KCNIP3: variants seen among roughly 807,000 people sequenced by gnomAD.
The protein encoded by KCNIP3 is potassium voltage-gated channel interacting protein 3.
KCNIP3 carries 28 observed loss-of-function variants against 35.0 expected under a neutral mutation model. The observed-to-expected ratio is 0.80, with a 90% CI of 0.59 to 1.10. The LOEUF (loss-of-function observed/expected upper bound fraction) is 1.10. Ranked by LOEUF, KCNIP3 falls within the 50% of genes least tolerant of loss-of-function variation. KCNIP3 has a pLI of 0.00. For synonymous variants in KCNIP3, 134 were observed against 133.8 expected, an observed-to-expected ratio of 1.00 and a Z score of -0.01; for missense variants, 295 against 338.4, an observed-to-expected ratio of 0.87 and a Z score of 1.01.
intron 2 of KCNIP3, among the ~76,000 whole-genome samples, chr2:95,333,992 C>G (rs1048777512): frequency 1.3e-5 from 2 of 152,214 alleles, no homozygotes; most frequent in Non-Finnish European, 2.9e-5. Flanking sequence ...AAGCTGAGAT[C>G]CTGGCATCAA....
intron 3 of KCNIP3, 126 bp from the exon 4 acceptor site, chr2:95,374,722 G>A (rs891276819): frequency 2.6e-6 from 3 of 1,143,322 alleles, no homozygotes; most frequent in African/African-American, 3.0e-5. Flanking sequence ...AGGCCAGGGG[G>A]CCCCAGCAGT....
intron 2 of KCNIP3, chr2:95,355,421 G>A (rs1679633069): frequency 6.6e-6 from 1 of 152,150 alleles, no homozygotes; most frequent in Non-Finnish European, 1.5e-5. Context: ...AGGTATACAT[G>A]TGTCATGTTG....
intron 2 of KCNIP3, among the ~76,000 whole-genome samples, chr2:95,349,909 C>T (rs898150545): frequency 1.2e-4 from 18 of 152,186 alleles, no homozygotes; most frequent in Admixed American, 2.6e-4. Flanking sequence ...GGACCTGGAC[C>T]CTGTAGGGCT....
rs1679232988 is a variant in KCNIP3, at chr2:95,342,959, C to T, written c.182-31337C>T. Among the ~76,000 whole-genome samples, 3 of 152,240 alleles carry T rather than the reference C, an allele frequency of 2.0e-5. No homozygotes were observed. The East Asian group carries it at 5.8e-4, about 29-fold the overall frequency. ...TGAACCAGGAGGCCCCTGGTAGTTT[C>T]CAGTTGGGAAAGGGCACGGTCTGAT... is the stretch of plus-strand genomic sequence containing the variant. On this transcript the variant is annotated intron_variant, in intron 2 of 8. Transcript: ENST00000295225.
Position 95,320,524 on chromosome 2 carries a change from C to CA in KCNIP3, c.181+10005dup, listed in dbSNP as rs577123306. 1.6e-4 allele frequency among the ~76,000 whole-genome samples: 24 copies of CA among 152,060 alleles called. No individual in the cohort carries two copies. In the East Asian group the frequency reaches 4.5e-3, roughly 28 times the overall value. Reference sequence around the variant, plus strand: ...CCCTGCCACCCCTCGGCCTGTCTCCCAGGTGCTGAGCCTGCCCCTCTCCCG... The same window carrying CA: ...CCCTGCCACCCCTCGGCCTGTCTCCCAAGGTGCTGAGCCTGCCCCTCTCCCG... On this transcript the variant is annotated intron_variant, in intron 2 of 8. Coordinates refer to ENST00000295225, the MANE Select transcript of KCNIP3 (RefSeq NM_013434.5).
intron 2 of KCNIP3, among the ~76,000 whole-genome samples, chr2:95,367,455 T>C (rs1254842238): frequency 6.6e-6 from 1 of 152,206 alleles, no homozygotes; most frequent in African/African-American, 2.4e-5. Flanking sequence ...GTGAATCATT[T>C]TGGAGATAAC....
intron 2 of KCNIP3, among the ~76,000 whole-genome samples, chr2:95,316,478 G>A (rs922959358): frequency 6.6e-6 from 1 of 152,220 alleles, no homozygotes; most frequent in Non-Finnish European, 1.5e-5. Context: ...GGGGTGAGGC[G>A]GTGGCTGGCA....
intron 5 of KCNIP3, among the ~76,000 whole-genome samples, chr2:95,375,956 A>G (rs1680174707): frequency 6.6e-6 from 1 of 152,220 alleles, no homozygotes; most frequent in Non-Finnish European, 1.5e-5. Flanking sequence ...AAGCACAGAG[A>G]AGCACATGGG....
intron 2 of KCNIP3, among the ~76,000 whole-genome samples, chr2:95,337,294 G>A (rs1451620703): frequency 6.6e-6 from 1 of 151,974 alleles, no homozygotes; most frequent in Non-Finnish European, 1.5e-5. Context: ...TTGCTGTCCA[G>A]TGCCCTCCTA....
At chr2:95,334,944 G>A (rs1415774915) in intron 2 of KCNIP3, among the ~76,000 whole-genome samples, 2 of 152,224 alleles carry the variant, frequency 1.3e-5, no homozygotes, top group Non-Finnish European at 2.9e-5. Context: ...GTCACTGAGC[G>A]CTCAAAGGAG....
chr2:95,325,175 G>A (rs1019260128), intron 2 of KCNIP3, among the ~76,000 whole-genome samples: 1 of 152,190 alleles, frequency 6.6e-6, no homozygotes, highest in African/African-American at 2.4e-5. Flanking sequence ...CCCCAACTCG[G>A]GTGGCTGAGA....
At chr2:95,361,999 T>G (rs983128502) in intron 2 of KCNIP3, among the ~76,000 whole-genome samples, 1 of 152,164 alleles carries the variant, frequency 6.6e-6, no homozygotes, top group Non-Finnish European at 1.5e-5. Flanking sequence ...CAGTTTCTGG[T>G]GAGGGCTGTC....
intron 2 of KCNIP3, among the ~76,000 whole-genome samples, chr2:95,335,813 T>C (rs1196581794): frequency 6.6e-6 from 1 of 152,210 alleles, no homozygotes; most frequent in African/African-American, 2.4e-5. Flanking sequence ...AGTCTAGTTA[T>C]ACATTTGTTA....
At chr2:95,367,886 C>T (rs768386143) in intron 2 of KCNIP3, among the ~76,000 whole-genome samples, 7 of 151,956 alleles carry the variant, frequency 4.6e-5, no homozygotes, top group South Asian at 2.1e-4. Flanking sequence ...CTTAGCCTCC[C>T]GAGTAGCTGG....
intron 1 of KCNIP3, among the ~76,000 whole-genome samples, chr2:95,304,594 C>T (rs564293706): frequency 3.1e-4 from 47 of 152,322 alleles, no homozygotes; most frequent in African/African-American, 9.6e-4. Flanking sequence ...AACAGGAGAA[C>T]GCATACCCCA....
At chr2:95,327,146 C>T (rs2104239483) in intron 2 of KCNIP3, among the ~76,000 whole-genome samples, 1 of 152,322 alleles carries the variant, frequency 6.6e-6, no homozygotes, top group East Asian at 1.9e-4. Context: ...CACCACCTAG[C>T]TCCATTCTAG....
intron 2 of KCNIP3, among the ~76,000 whole-genome samples, chr2:95,330,919 A>G (rs559965781): frequency 6.6e-6 from 1 of 152,238 alleles, no homozygotes; most frequent in East Asian, 1.9e-4. Flanking sequence ...GCAAGGGAAT[A>G]GGGCTGCAGA....
intron 2 of KCNIP3, among the ~76,000 whole-genome samples, chr2:95,342,194 G>A (rs1218506481): frequency 1.3e-5 from 2 of 152,172 alleles, no homozygotes; most frequent in Non-Finnish European, 2.9e-5. Context: ...CCGGCCATGG[G>A]GGGCAAGGTT....
chr2:95,317,820 T>C (rs1175019292), intron 2 of KCNIP3, among the ~76,000 whole-genome samples: 1 of 151,078 alleles, frequency 6.6e-6, no homozygotes, highest in Non-Finnish European at 1.5e-5. Context: ...AGGGCAGGAG[T>C]CGGGCGGATT....
Sources: gnomAD v4.1 joint callset for allele counts (sites outside exome capture counted in the v4.1 genomes callset) on GRCh38, gnomAD v4.1.1 for gene constraint, MANE v1.5 for transcripts, NCBI Gene and HGNC (gene_info 2026-07-23, HGNC 2026-07-21) for gene names.